Variants in CTNND2 observed in about 807,000 individuals in gnomAD.
The protein encoded by CTNND2 is catenin delta 2.
In CTNND2, 22 loss-of-function variants were observed where a neutral mutation model predicts 144.4. That is an observed-to-expected ratio of 0.15 (90% confidence interval 0.11 to 0.22). The LOEUF (loss-of-function observed/expected upper bound fraction) is 0.22. Among genes scored for constraint, CTNND2 ranks in the 10% least tolerant of loss-of-function variants. The pLI, the probability that CTNND2 is intolerant of heterozygous loss-of-function variation, is 1.00. For synonymous variants in CTNND2, 751 were observed against 695.6 expected (o/e 1.08, Z -1.25); for missense variants, 1,353 against 1,618.8 (o/e 0.84, Z 2.82).
chr5:11,795,022 C>A (rs1791325474), intron 1 of CTNND2, among the ~76,000 whole-genome samples: 1 of 152,186 alleles, frequency 6.6e-6, no homozygotes, highest in Admixed American at 6.5e-5. Context: ...TTTTCACAAC[C>A]TTATGCAATT....
chr5:11,692,791 G>A (rs146763980), intron 2 of CTNND2, among the ~76,000 whole-genome samples: 1,847 of 152,234 alleles, frequency 0.012, 29 homozygotes, highest in African/African-American at 0.043. Flanking sequence ...TAGTAGAGAC[G>A]GGGTTTCGCC....
rs2285976 is a variant in CTNND2, at chr5:11,117,272, A to T, written c.2277+178T>A. The stretch of plus-strand genomic sequence containing the variant: ...ATCAGAAGTTAGGTTATATATCTAG[A>T]TCCATGCTAGAATTAGAAGCCCAGT... On this transcript the variant is annotated intron_variant, in intron 13 of 21. Transcript: ENST00000304623. Among the ~76,000 whole-genome samples the T allele has an allele frequency of 0.14, 21,695 of 152,096 alleles. 2,454 individuals are homozygous for T. Among genetic ancestry groups the T allele is most frequent in the East Asian group, 0.45 (2,303 of 5,146 alleles).
At chr5:11,517,286 T>G (rs1772252430) in intron 3 of CTNND2, among the ~76,000 whole-genome samples, 1 of 152,186 alleles carries the variant, frequency 6.6e-6, no homozygotes, top group Non-Finnish European at 1.5e-5. Context: ...TTAATTGATG[T>G]AAAAGAAAAT....
intron 10 of CTNND2, among the ~76,000 whole-genome samples, chr5:11,232,313 A>G (rs1741118811): frequency 9.2e-6 from 1 of 109,254 alleles, no homozygotes; most frequent in Non-Finnish European, 1.9e-5. Flanking sequence ...AGCTTGCACC[A>G]TGTGCCTGGA....
chr5:11,824,143 A>G (rs1401035129), intron 1 of CTNND2, among the ~76,000 whole-genome samples: 1 of 151,878 alleles, frequency 6.6e-6, no homozygotes, highest in Non-Finnish European at 1.5e-5. Flanking sequence ...AAATACTGAT[A>G]AAAAATTAAA....
intron 1 of CTNND2, among the ~76,000 whole-genome samples, chr5:11,752,421 A>G (rs1788673671): frequency 6.6e-6 from 1 of 151,858 alleles, no homozygotes; most frequent in South Asian, 2.1e-4. Flanking sequence ...TCCTAGCAGC[A>G]TTTATTGAAT....
intron 3 of CTNND2, among the ~76,000 whole-genome samples, chr5:11,478,562 A>G (rs76370266): frequency 0.016 from 2,399 of 152,340 alleles, 58 homozygotes; most frequent in African/African-American, 0.055. Flanking sequence ...TATTTGAACC[A>G]GAGAAAACAG....
chr5:11,675,615 A>C (rs1784134297), intron 2 of CTNND2, among the ~76,000 whole-genome samples: 1 of 152,150 alleles, frequency 6.6e-6, no homozygotes, highest in Admixed American at 6.6e-5. Flanking sequence ...ATCACAGAGG[A>C]CCCAGAAGAG....
intron 11 of CTNND2, among the ~76,000 whole-genome samples, chr5:11,196,508 A>G (rs1380923814): frequency 6.6e-6 from 1 of 152,164 alleles, no homozygotes; most frequent in African/African-American, 2.4e-5. Context: ...GAGAATTGCA[A>G]AGGAAGTAAG....
intron 1 of CTNND2, 148 bp from the exon 2 acceptor site, chr5:11,732,420 ATACAG>A: frequency 1.5e-6 from 1 of 659,622 alleles, no homozygotes; most frequent in Non-Finnish European, 2.4e-6. Context: ...AACGGGAGTA[ATACAG>A]TAAAGTAAAG....
At chr5:11,530,979 A>T (rs937526843) in intron 3 of CTNND2, among the ~76,000 whole-genome samples, 1 of 152,222 alleles carries the variant, frequency 6.6e-6, no homozygotes, top group Non-Finnish European at 1.5e-5. Flanking sequence ...TGCTCTGCAG[A>T]CAATACAACA....
At position 11,074,228 on chromosome 5, in the gene CTNND2, G is replaced by A. The variant is rs535000436; in HGVS notation, c.2788+8468C>T. Among the ~76,000 whole-genome samples, 5 of 152,242 alleles carry A rather than the reference G, an allele frequency of 3.3e-5. No individual in the cohort carries two copies. The East Asian group carries it at 9.7e-4, about 29-fold the overall frequency. Reference sequence around the variant, plus strand: ...CCCATATCCCAGAACGTTCTGTCACGTGCCAGCCATTAGCATGAGACGCAA... The same window carrying A: ...CCCATATCCCAGAACGTTCTGTCACATGCCAGCCATTAGCATGAGACGCAA... On this transcript the variant is annotated intron_variant, in intron 16 of 21. Transcript: ENST00000304623.
rs552411778 is a variant in CTNND2, at chr5:11,196,621, G to A, written c.1975+2827C>T. Among the ~76,000 whole-genome samples the A allele has an allele frequency of 3.4e-4, 52 of 152,356 alleles. 1 individual carries two copies. In the South Asian group the frequency reaches 9.5e-3, roughly 28 times the overall value. On this transcript the variant is annotated intron_variant, in intron 11 of 21. Coordinates refer to ENST00000304623, the MANE Select transcript of CTNND2 (RefSeq NM_001332.4). ...GCAGTGGCTCCTTGCGACAAAAGAC[G>A]TGAAGCCAGCCTTTCTTCTTGTACC...
At chr5:11,174,395 A>C (rs1350704967) in intron 11 of CTNND2, among the ~76,000 whole-genome samples, 1 of 152,186 alleles carries the variant, frequency 6.6e-6, no homozygotes, top group Non-Finnish European at 1.5e-5. Context: ...TGGTGAAGGT[A>C]ATTTGGTATA....
chr5:11,374,757 C>A (rs1303382521), intron 7 of CTNND2, among the ~76,000 whole-genome samples: 1 of 142,952 alleles, frequency 7.0e-6, no homozygotes, highest in East Asian at 2.2e-4. Context: ...TAATCCAGAA[C>A]AAGGTGCTCC....
chr5:11,861,685 T>C (rs1248416553), intron 1 of CTNND2, among the ~76,000 whole-genome samples: 1 of 152,198 alleles, frequency 6.6e-6, no homozygotes, highest in Non-Finnish European at 1.5e-5. Flanking sequence ...GTCCCTTCTC[T>C]GCTCAAAACT....
intron 3 of CTNND2, among the ~76,000 whole-genome samples, chr5:11,488,203 C>G (rs1241612566): frequency 6.6e-6 from 1 of 152,098 alleles, no homozygotes. Context: ...TCAAAAACTG[C>G]CTTTAAATTT....
intron 7 of CTNND2, among the ~76,000 whole-genome samples, chr5:11,372,653 A>G (rs947969926): frequency 1.3e-5 from 2 of 150,638 alleles, no homozygotes; most frequent in African/African-American, 4.9e-5. Context: ...TCTCACAGGA[A>G]GTAGAAAGTA....
intron 5 of CTNND2, among the ~76,000 whole-genome samples, chr5:11,403,823 T>G (rs745830562): frequency 6.6e-6 from 1 of 152,204 alleles, no homozygotes; most frequent in Admixed American, 6.5e-5. Context: ...AATGGGAACA[T>G]AGCAGTTTAA....
Sources: gnomAD v4.1 joint callset for allele counts (sites outside exome capture counted in the v4.1 genomes callset) on GRCh38, gnomAD v4.1.1 for gene constraint, MANE v1.5 for transcripts, NCBI Gene and HGNC (gene_info 2026-07-23, HGNC 2026-07-21) for gene names.